Variants in TBL1XR1 observed in about 807,000 individuals in gnomAD.
TBL1XR1 encodes the protein F-box-like/WD repeat-containing protein TBL1XR1.
TBL1XR1 carries 5 observed loss-of-function variants against 66.9 expected under a neutral mutation model. The observed-to-expected ratio is 0.07, with a 90% CI of 0.04 to 0.16. TBL1XR1 has a LOEUF of 0.16. Among genes scored for constraint, TBL1XR1 ranks in the 10% least tolerant of loss-of-function variants. TBL1XR1 has a pLI of 1.00. For missense variants in TBL1XR1, 238 were observed against 623.2 expected, an observed-to-expected ratio of 0.38 and a Z score of 6.58; for synonymous variants, 210 against 206.0, an observed-to-expected ratio of 1.02 and a Z score of -0.17.
chr3:177,190,844 C>T (rs1736051644), intron 1 of TBL1XR1, among the ~76,000 whole-genome samples: 1 of 152,156 alleles, frequency 6.6e-6, no homozygotes, highest in Non-Finnish European at 1.5e-5. Context: ...GTATTAAGAA[C>T]TCTGCCAAAT....
At chr3:177,165,958 T>C (rs551375935) in intron 1 of TBL1XR1, among the ~76,000 whole-genome samples, 80 of 152,028 alleles carry the variant, frequency 5.3e-4, no homozygotes, top group Middle Eastern at 6.8e-3. Context: ...GACATGGTGG[T>C]ATGCCCCTGT....
At chr3:177,094,096 T>C (rs971197147) in intron 2 of TBL1XR1, among the ~76,000 whole-genome samples, 3 of 152,062 alleles carry the variant, frequency 2.0e-5, no homozygotes, top group African/African-American at 7.2e-5. Context: ...AGGACTAATA[T>C]TCACAATCTA....
At chr3:177,154,166 A>G (rs1375646741) in intron 1 of TBL1XR1, among the ~76,000 whole-genome samples, 1 of 152,138 alleles carries the variant, frequency 6.6e-6, no homozygotes, top group Non-Finnish European at 1.5e-5. Context: ...TTAACTATGA[A>G]AACAGATGAT....
chr3:177,058,610 G>GT (rs1213042980), intron 3 of TBL1XR1, among the ~76,000 whole-genome samples: 1 of 152,190 alleles, frequency 6.6e-6, no homozygotes, highest in Non-Finnish European at 1.5e-5. Flanking sequence ...TGTACAATGT[G>GT]TGTTGTTTTT....
Position 177,034,208 on chromosome 3 carries a change from T to G in TBL1XR1, c.1240A>C (p.Met414Leu). The change falls in exon 13 of 16, where the codon ATG (methionine) becomes CTG (leucine). Residue 414 changes from methionine (M) to leucine (L), a missense_variant. Met to Leu is a conservative substitution (Grantham distance 15). Coordinates refer to ENST00000457928, the MANE Select transcript of TBL1XR1 (RefSeq NM_024665.7). ...AAACAGAAGTATCACCTTGCTAACA[T>G]AAGGTTGGCATTTGGATTATTAGTC... is the stretch of plus-strand genomic sequence containing the variant. ...PGTNNPNANL[M>L]LASASFDSTV... 6.2e-7 allele frequency: 1 copy of G among 1,601,898 alleles called. No homozygotes were observed. The highest frequency in any genetic ancestry group is 8.5e-7 in the Non-Finnish European group (1 of 1,177,028).
upstream of TBL1XR1, among the ~76,000 whole-genome samples, chr3:177,200,786 AC>A (rs1185952784): frequency 6.6e-6 from 1 of 152,160 alleles, no homozygotes; most frequent in East Asian, 1.9e-4. Flanking sequence ...TGGGCAGATC[AC>A]TTGAGGTCGG....
chr3:177,073,531 A>G (rs1352596829), intron 2 of TBL1XR1, among the ~76,000 whole-genome samples: 4 of 152,238 alleles, frequency 2.6e-5, no homozygotes, highest in Non-Finnish European at 4.4e-5. Context: ...CTGAGACTAC[A>G]CTTCTATAAA....
chr3:177,065,705 A>C (rs1719066087), intron 2 of TBL1XR1, among the ~76,000 whole-genome samples: 1 of 152,258 alleles, frequency 6.6e-6, no homozygotes, highest in Non-Finnish European at 1.5e-5. Flanking sequence ...TGTCACAGAA[A>C]TGACTGAAAG....
At chr3:177,076,403 A>G (rs1720709878) in intron 2 of TBL1XR1, among the ~76,000 whole-genome samples, 1 of 152,190 alleles carries the variant, frequency 6.6e-6, no homozygotes, top group Non-Finnish European at 1.5e-5. Flanking sequence ...CTTTTTTATA[A>G]GGACTCCAAT....
chr3:177,086,710 C>G (rs1399853368), intron 2 of TBL1XR1, among the ~76,000 whole-genome samples: 2 of 151,896 alleles, frequency 1.3e-5, no homozygotes, highest in Non-Finnish European at 2.9e-5. Flanking sequence ...TAACTACTCT[C>G]TATCACGGAA....
intron 1 of TBL1XR1, among the ~76,000 whole-genome samples, chr3:177,108,556 T>C (rs1725162317): frequency 6.6e-6 from 1 of 152,184 alleles, no homozygotes; most frequent in Admixed American, 6.5e-5. Context: ...TAAACTAGGA[T>C]TTATAATCCT....
At chr3:177,199,120 A>G (rs773355413), upstream of TBL1XR1, among the ~76,000 whole-genome samples, 1 of 152,202 alleles carries the variant, frequency 6.6e-6, no homozygotes, top group Non-Finnish European at 1.5e-5. Flanking sequence ...TCCAACCACC[A>G]GAGAGTTCAA....
intron 3 of TBL1XR1, among the ~76,000 whole-genome samples, chr3:177,062,695 C>T (rs114073857): frequency 2.2e-3 from 339 of 152,206 alleles, no homozygotes; most frequent in Middle Eastern, 3.4e-3. Context: ...ACAAAGGACA[C>T]CTAAGAACAT....
rs75868810 is a variant in TBL1XR1, at chr3:177,054,021, C to T, written c.59-103G>A. The T allele has an allele frequency of 1.4e-3, 1,816 of 1,276,686 alleles. 31 individuals carry two copies. In the African/African-American group the frequency reaches 0.024, roughly 17 times the overall value. 79.1% of individuals were successfully genotyped at this position (1,276,686 alleles called of 1,614,324 possible). On this transcript the variant is annotated intron_variant, in intron 3 of 15. Coordinates refer to ENST00000457928, the MANE Select transcript of TBL1XR1 (RefSeq NM_024665.7). ...ATCATCTTTTCAAATCCCATCCTAC[C>T]CATTTAAAATCCCAGACGAAGGTCG...
At chr3:177,139,430 G>A (rs933731381) in intron 1 of TBL1XR1, among the ~76,000 whole-genome samples, 2 of 152,092 alleles carry the variant, frequency 1.3e-5, no homozygotes, top group African/African-American at 4.8e-5. Flanking sequence ...AGCTACTTGG[G>A]CGGCTGAGGC....
intron 1 of TBL1XR1, among the ~76,000 whole-genome samples, chr3:177,139,532 C>T (rs1325187809): frequency 3.2e-5 from 3 of 93,282 alleles, no homozygotes; most frequent in African/African-American, 1.4e-4. Context: ...AAGACTCCAT[C>T]TCGGGGGGAA....
intron 1 of TBL1XR1, among the ~76,000 whole-genome samples, chr3:177,190,965 A>G (rs1460493464): frequency 1.3e-5 from 2 of 152,234 alleles, no homozygotes; most frequent in Non-Finnish European, 2.9e-5. Flanking sequence ...ATCTCAGAGA[A>G]GAAATATCCT....
chr3:177,114,199 T>C (rs1726000528), intron 1 of TBL1XR1, among the ~76,000 whole-genome samples: 1 of 151,362 alleles, frequency 6.6e-6, no homozygotes. Context: ...TTCCTCTCTC[T>C]ATATGTATAC....
chr3:177,115,829 C>G (rs948981433), intron 1 of TBL1XR1, among the ~76,000 whole-genome samples: 1 of 152,162 alleles, frequency 6.6e-6, no homozygotes, highest in Non-Finnish European at 1.5e-5. Flanking sequence ...TCCTTGCTAA[C>G]ATAATTCTAA....
Sources: allele counts gnomAD v4.1 joint callset (sites outside exome capture counted in the v4.1 genomes callset), GRCh38; gene constraint gnomAD v4.1.1; transcripts MANE v1.5; gene names NCBI Gene and HGNC (gene_info 2026-07-23, HGNC 2026-07-21).